LRRIQ4: variants seen among roughly 807,000 people sequenced by gnomAD.
LRRIQ4 encodes the protein leucine rich repeats and IQ motif containing 4.
Under a neutral mutation model 40.1 loss-of-function variants are expected in LRRIQ4, and 21 were observed. The observed-to-expected ratio is 0.52, with a 90% confidence interval of 0.37 to 0.75. The LOEUF is 0.75. Ranked by LOEUF, LRRIQ4 falls within the 30% of genes least tolerant of loss-of-function variation. The pLI is 0.00. For synonymous variants in LRRIQ4, 277 were observed against 277.1 expected (o/e 1.00, Z 0.00); for missense variants, 655 against 660.0 (o/e 0.99, Z 0.08).
In LRRIQ4 at chr3:169,834,154, G is replaced by A. The variant is rs539968202; in HGVS notation, c.1530+971G>A. Among the ~76,000 whole-genome samples, 92 of 152,308 alleles carry A rather than the reference G, an allele frequency of 6.0e-4. 1 individual carries two copies. Among genetic ancestry groups the A allele is most frequent in the Non-Finnish European group, 9.6e-4 (65 of 68,020 alleles). On this transcript the variant is annotated intron_variant, in intron 5 of 5. Coordinates refer to ENST00000340806, the MANE Select transcript of LRRIQ4 (RefSeq NM_001080460.3). ...AGGCGGGTGGATCACTTGAGGTCAG[G>A]AGTTCGAGATCAGCCTGACCAACAT...
chr3:169,818,382 T>C (rs1373901292), intron 1 of LRRIQ4, among the ~76,000 whole-genome samples: 1 of 152,198 alleles, frequency 6.6e-6, no homozygotes, highest in Non-Finnish European at 1.5e-5. Context: ...CTTGTGTGAA[T>C]AGTTGTTCAA....
intron 1 of LRRIQ4, among the ~76,000 whole-genome samples, chr3:169,820,129 A>G (rs550648950): frequency 2.0e-5 from 3 of 152,294 alleles, no homozygotes; most frequent in Admixed American, 6.5e-5. Context: ...GGCCTCTGTG[A>G]TGGATGAGAG....
At chr3:169,813,992 A>G (rs1779700513) in intron 1 of LRRIQ4, among the ~76,000 whole-genome samples, 3 of 152,104 alleles carry the variant, frequency 2.0e-5, no homozygotes. Flanking sequence ...AAGCCCCAGT[A>G]GGCGTGTGTT....
intron 4 of LRRIQ4, among the ~76,000 whole-genome samples, chr3:169,832,417 G>GA (rs552519903): frequency 2.5e-3 from 382 of 151,052 alleles, no homozygotes; most frequent in African/African-American, 8.3e-3. Context: ...GCACTGAACC[G>GA]AGATGGCGCC....
At chr3:169,819,699 A>G (rs1014875383) in intron 1 of LRRIQ4, among the ~76,000 whole-genome samples, 2 of 152,204 alleles carry the variant, frequency 1.3e-5, no homozygotes, top group Non-Finnish European at 2.9e-5. Context: ...CAGGGCAAAT[A>G]ATGATGCCTC....
chr3:169,831,086 G>T (rs1780161213), intron 4 of LRRIQ4, among the ~76,000 whole-genome samples: 1 of 151,888 alleles, frequency 6.6e-6, no homozygotes, highest in African/African-American at 2.4e-5. Context: ...AACTATATAT[G>T]ATTCCTACTT....
chr3:169,823,340 CTT>C (rs570781467), intron 2 of LRRIQ4, among the ~76,000 whole-genome samples: 21 of 141,560 alleles, frequency 1.5e-4, no homozygotes, highest in Admixed American at 2.1e-4. Context: ...GGTCTACATT[CTT>C]TTTTTTTTTT....
rs138419448 is a variant in LRRIQ4 at position 169,830,585 on chromosome 3, C to T, written c.1288C>T (p.His430Tyr). 3.3e-4 allele frequency: 525 copies of T among 1,613,798 alleles called. 3 individuals are homozygous for T. The highest frequency in any genetic ancestry group is 1.5e-3 in the Middle Eastern group (9 of 6,062). Residue 430 changes from histidine (H) to tyrosine (Y), a missense_variant, in exon 4 of 6, where the codon CAC (histidine) becomes TAC (tyrosine). Physicochemically the swap from His to Tyr is moderately conservative, Grantham distance 83. Coordinates refer to ENST00000340806, the MANE Select transcript of LRRIQ4 (RefSeq NM_001080460.3). The stretch of plus-strand genomic sequence containing the variant: ...TAACCTAGAAGTTCTTGATTGCCGG[C>T]ACAATTTGCTTAAGCAACTTCCAGA... Reference protein sequence around the residue: ...MPNLEVLDCRHNLLKQLPDAI... With the variant: ...MPNLEVLDCRYNLLKQLPDAI...
chr3:169,823,340 C>CT (rs570781467), intron 2 of LRRIQ4, among the ~76,000 whole-genome samples: 9,865 of 141,576 alleles, frequency 0.07, 389 homozygotes, highest in Middle Eastern at 0.093. Flanking sequence ...GGTCTACATT[C>CT]TTTTTTTTTT....
chr3:169,823,626 G>A (rs1367820789), intron 2 of LRRIQ4, among the ~76,000 whole-genome samples: 2 of 152,136 alleles, frequency 1.3e-5, no homozygotes, highest in Non-Finnish European at 1.5e-5. Flanking sequence ...GATTACAAGC[G>A]TGAGCCACCG....
rs570315919 is a variant in LRRIQ4 at position 169,827,310 on chromosome 3, A to T, written c.1021-1449A>T. Among the ~76,000 whole-genome samples, 59 of 152,264 alleles carry T rather than the reference A, an allele frequency of 3.9e-4. 1 individual carries two copies. In the South Asian group the frequency reaches 0.012, roughly 32 times the overall value. ...CAATAGGGTGATTGTCACATATTTT[A>T]AGAATGAGATTTTTTCGCCGGGTGC... On this transcript the variant is annotated intron_variant, in intron 2 of 5. Transcript: ENST00000340806.
At chr3:169,837,143 C>T (rs908548893) in intron 5 of LRRIQ4, among the ~76,000 whole-genome samples, 22 of 152,198 alleles carry the variant, frequency 1.4e-4, no homozygotes, top group Non-Finnish European at 8.8e-5. Flanking sequence ...CTCCATAGCA[C>T]TCATCACCGT....
Position 169,822,233 on chromosome 3 carries a change from C to G in LRRIQ4, c.312C>G (p.Asn104Lys). 1 of 1,605,246 alleles carries G rather than the reference C, an allele frequency of 6.2e-7. No homozygotes were observed. Among genetic ancestry groups the G allele is most frequent in the Non-Finnish European group, 8.5e-7 (1 of 1,176,650 alleles). Residue 104 changes from asparagine to lysine, a missense_variant, in exon 2 of 6, where the codon AAC (asparagine) becomes AAG (lysine). By Grantham distance (94) the Asn-to-Lys change is moderately conservative. Coordinates refer to ENST00000340806, the MANE Select transcript of LRRIQ4 (RefSeq NM_001080460.3). Reference protein sequence around the residue: ...SSLESLDLSYNPIFSSSLVVV... With the variant: ...SSLESLDLSYKPIFSSSLVVV... ...TGGAGAGCCTGGACCTGAGCTACAA[C>G]CCCATCTTCTCCTCCTCCCTTGTCG...
chr3:169,824,702 G>A (rs1426170616), intron 2 of LRRIQ4, among the ~76,000 whole-genome samples: 4 of 151,800 alleles, frequency 2.6e-5, no homozygotes, highest in East Asian at 1.9e-4. Context: ...TAATAGAGAC[G>A]GGGTTTCACC....
At position 169,833,080 on chromosome 3, in the gene LRRIQ4, A is replaced by T; in HGVS notation, c.1427A>T (p.Asp476Val). ...AATCTTAAGGTTCTGACACTGATGG[A>T]CAATCCCATGGAAGAACCCCCAAAA... ...LVNLKVLTLM[D>V]NPMEEPPKEV... The change falls in exon 5 of 6, where the codon GAC (aspartate) becomes GTC (valine). Residue 476 changes from aspartate to valine, a missense_variant. Asp to Val is a radical substitution (Grantham distance 152). Coordinates refer to ENST00000340806, the MANE Select transcript of LRRIQ4 (RefSeq NM_001080460.3). The T allele has an allele frequency of 6.2e-7, 1 of 1,613,990 alleles. No individual in the cohort carries two copies. The highest frequency in any genetic ancestry group is 1.3e-5 in the African/African-American group (1 of 75,072).
chr3:169,817,309 T>A (rs1019008590), intron 1 of LRRIQ4, among the ~76,000 whole-genome samples: 3 of 152,268 alleles, frequency 2.0e-5, no homozygotes, highest in African/African-American at 7.2e-5. Context: ...CTTAATATGA[T>A]TTTGATATTT....
At chr3:169,821,819 A>T in intron 1 of LRRIQ4, 72 bp from the exon 2 acceptor site, 1 of 760,620 alleles carries the variant, frequency 1.3e-6, no homozygotes. Flanking sequence ...TTTTAATTTT[A>T]TTTTTCTTAA....
chr3:169,831,338 A>G (rs1460461571), intron 4 of LRRIQ4, among the ~76,000 whole-genome samples: 25 of 108,530 alleles, frequency 2.3e-4, no homozygotes, highest in Non-Finnish European at 3.7e-4. Flanking sequence ...CAGTGGCGTG[A>G]TCTCGGCTCC....
chr3:169,819,351 T>TAC lies in LRRIQ4; in HGVS notation c.-31-2532_-31-2531dup, dbSNP rs142837625. 5.1e-3 allele frequency among the ~76,000 whole-genome samples: 770 copies of TAC among 152,246 alleles called. 6 individuals carry two copies. Among genetic ancestry groups the TAC allele is most frequent in the African/African-American group, 0.018 (733 of 41,536 alleles). On this transcript the variant is annotated intron_variant, in intron 1 of 5. Coordinates refer to ENST00000340806, the MANE Select transcript of LRRIQ4 (RefSeq NM_001080460.3). ...GGTATATGATTAAGGTGAGATAACA[T>TAC]ACACACACAATCAGATATTCTAAGC...
Sources: gnomAD v4.1 joint callset for allele counts (sites outside exome capture counted in the v4.1 genomes callset) on GRCh38, gnomAD v4.1.1 for gene constraint, MANE v1.5 for transcripts, NCBI Gene and HGNC (gene_info 2026-07-23, HGNC 2026-07-21) for gene names.